Variants in CFAP54 observed in about 807,000 individuals in gnomAD.
The protein encoded by CFAP54 is cilia and flagella associated protein 54.
Under a neutral mutation model 370.4 loss-of-function variants are expected in CFAP54, and 290 were observed. The observed-to-expected ratio is 0.78, with a 90% CI of 0.71 to 0.86. CFAP54 has a LOEUF of 0.86. Among genes scored for constraint, CFAP54 ranks in the 40% least tolerant of loss-of-function variants. The pLI is 0.00. For synonymous variants in CFAP54, 1,206 were observed against 1,236.5 expected, an observed-to-expected ratio of 0.98 and a Z score of 0.52; for missense variants, 3,399 against 3,528.7, an observed-to-expected ratio of 0.96 and a Z score of 0.93.
intron 62 of CFAP54, among the ~76,000 whole-genome samples, chr12:96,787,238 T>C (rs1465380378): frequency 6.6e-6 from 1 of 152,244 alleles, no homozygotes; most frequent in Non-Finnish European, 1.5e-5. Context: ...ACTAGACTGA[T>C]AGTGTCTAAA....
At chr12:96,718,730 A>AT (rs1957714257) in intron 49 of CFAP54, among the ~76,000 whole-genome samples, 1 of 152,152 alleles carries the variant, frequency 6.6e-6, no homozygotes, top group Admixed American at 6.6e-5. Flanking sequence ...TCACAACCTG[A>AT]TTAAGGTGCT....
At chr12:96,561,773 CTTTTTTTT>C (rs376442763) in intron 17 of CFAP54, among the ~76,000 whole-genome samples, 1 of 94,852 alleles carries the variant, frequency 1.1e-5, no homozygotes, top group Non-Finnish European at 1.9e-5. Context: ...ATCACAAGTT[CTTTTTTTT>C]TTTTTTTTTT....
At chr12:96,843,532 C>T (rs1029975353) in intron 66 of CFAP54, among the ~76,000 whole-genome samples, 1 of 152,152 alleles carries the variant, frequency 6.6e-6, no homozygotes, top group Non-Finnish European at 1.5e-5. Flanking sequence ...GCTGTGCTAA[C>T]AAATAAGCAC....
chr12:96,856,482 A>G (rs1959707260), intron 66 of CFAP54, among the ~76,000 whole-genome samples: 1 of 152,120 alleles, frequency 6.6e-6, no homozygotes. Flanking sequence ...ATCTCTCTGA[A>G]GTTCAGAGTT....
Position 96,489,921 on chromosome 12 carries a change from G to T in CFAP54, c.312G>T (p.Arg104=). Residue 104 remains arginine (R), a synonymous_variant, in exon 1 of 68, where the codon CGG becomes CGT. Transcript: ENST00000524981. ...TTEEEKHEFR[R]RCATSLFNIW... ...AGGAAGAGAAGCACGAATTCCGCCG[G>T]CGTTGGTAAGCGCTGGCGGGGCACT... The T allele has an allele frequency of 6.5e-7, 1 of 1,531,352 alleles. No homozygotes were observed. Among genetic ancestry groups the T allele is most frequent in the Non-Finnish European group, 8.7e-7 (1 of 1,143,572 alleles). The allele number at this position is 1,531,352 out of a possible 1,614,324, so 94.9% of individuals were successfully genotyped here.
chr12:96,773,042 T>A (rs1269676558), intron 60 of CFAP54, among the ~76,000 whole-genome samples: 1 of 152,210 alleles, frequency 6.6e-6, no homozygotes, highest in Non-Finnish European at 1.5e-5. Flanking sequence ...CCACCAGAGA[T>A]GTTACATGCT....
At chr12:96,836,455 G>A (rs1959186479) in intron 66 of CFAP54, among the ~76,000 whole-genome samples, 2 of 152,264 alleles carry the variant, frequency 1.3e-5, no homozygotes, top group South Asian at 4.1e-4. Context: ...AATAGAACAT[G>A]TTATTTTATT....
chr12:96,564,800 A>G (rs773046455), intron 19 of CFAP54, 35 bp downstream of exon 19: 3 of 555,916 alleles, frequency 5.4e-6, no homozygotes, highest in South Asian at 5.2e-5. Context: ...TAATCCTGAC[A>G]TAAAATTTCT....
chr12:96,796,196 T>C (rs1400819205), intron 63 of CFAP54, among the ~76,000 whole-genome samples: 2 of 152,186 alleles, frequency 1.3e-5, no homozygotes, highest in Non-Finnish European at 2.9e-5. Flanking sequence ...TTCTCTCAGC[T>C]TTCCTGGTAT....
At chr12:96,717,866 C>T (rs1957703247) in intron 48 of CFAP54, among the ~76,000 whole-genome samples, 1 of 152,168 alleles carries the variant, frequency 6.6e-6, no homozygotes, top group South Asian at 2.1e-4. Context: ...AATAACATCA[C>T]TAAATACCTA....
intron 9 of CFAP54, among the ~76,000 whole-genome samples, chr12:96,531,461 A>G (rs1165622738): frequency 6.6e-6 from 1 of 151,166 alleles, no homozygotes; most frequent in Non-Finnish European, 1.5e-5. Flanking sequence ...TGTTACTTTT[A>G]AATTTCTTTC....
At chr12:96,701,252 A>G (rs1183962170) in intron 46 of CFAP54, among the ~76,000 whole-genome samples, 1 of 152,084 alleles carries the variant, frequency 6.6e-6, no homozygotes, top group Non-Finnish European at 1.5e-5. Context: ...GAGTCAGTTG[A>G]TTGACTGTTT....
intron 66 of CFAP54, among the ~76,000 whole-genome samples, chr12:96,844,810 C>T (rs1171643355): frequency 6.6e-6 from 1 of 152,174 alleles, no homozygotes; most frequent in Admixed American, 6.5e-5. Flanking sequence ...GTCTGTCAAC[C>T]ACTGGCAAGT....
intron 38 of CFAP54, among the ~76,000 whole-genome samples, chr12:96,662,702 C>T (rs1286800423): frequency 6.6e-6 from 1 of 151,998 alleles, no homozygotes; most frequent in Non-Finnish European, 1.5e-5. Flanking sequence ...CCTATTACTC[C>T]CAGGCAGGTT....
chr12:96,849,749 C>T (rs1177599061), intron 66 of CFAP54, among the ~76,000 whole-genome samples: 1 of 152,066 alleles, frequency 6.6e-6, no homozygotes, highest in East Asian at 1.9e-4. Flanking sequence ...CTGCAGTATG[C>T]CCCCACTTGA....
chr12:96,757,500 T>C lies in CFAP54; in HGVS notation c.7952T>C (p.Ile2651Thr), dbSNP rs751599250. Residue 2651 changes from isoleucine to threonine, a missense_variant, in exon 58 of 68, where the codon ATA becomes ACA. By Grantham distance (89) the Ile-to-Thr change is moderately conservative. Around this residue, in one of 3 missense-constraint regions of CFAP54, gnomAD observed 2,796 missense variants for 2,869.7 expected, o/e 0.97. Coordinates refer to ENST00000524981, the MANE Select transcript of CFAP54 (RefSeq NM_001306084.2). ...ACAGTGCTATATCATTTTAGATTGA[T>C]AAGAGACTCCTACCTAGAAATGGCT... is the stretch of plus-strand genomic sequence containing the variant. The part of the protein sequence containing the change: ...SLKNDQNSGL[I>T]RDSYLEMALL... 1.3e-6 allele frequency: 2 copies of C among 1,566,324 alleles called. No homozygotes were observed. Among genetic ancestry groups the C allele is most frequent in the Non-Finnish European group, 8.8e-7 (1 of 1,141,956 alleles).
rs552016503 is a variant in CFAP54, at chr12:96,489,655, A to C, written c.46A>C (p.Thr16Pro). 3.5e-5 allele frequency: 54 copies of C among 1,533,446 alleles called. No homozygotes were observed. Among genetic ancestry groups the C allele is most frequent in the East Asian group, 2.9e-4 (12 of 40,832 alleles). 95.0% of individuals were successfully genotyped at this position (1,533,446 alleles called of 1,614,324 possible). Residue 16 changes from threonine to proline, a missense_variant, in exon 1 of 68, where the codon ACC (threonine) becomes CCC (proline). By Grantham distance (38) the Thr-to-Pro change is conservative. Around this residue, in one of 3 missense-constraint regions of CFAP54, gnomAD observed 559 missense variants for 576.7 expected, o/e 0.97. Transcript: ENST00000524981. ...CTCGAGCTCTCCGTCAGACGACTCT[A>C]CCACCTCGGGGTCTCTGCCAGAACT... Reference protein sequence around the residue: ...SPSSSPSDDSTTSGSLPELPP... With the variant: ...SPSSSPSDDSPTSGSLPELPP...
intron 30 of CFAP54, among the ~76,000 whole-genome samples, chr12:96,628,073 G>C (rs970594457): frequency 6.6e-6 from 1 of 152,198 alleles, no homozygotes; most frequent in Non-Finnish European, 1.5e-5. Context: ...AGGAGCAATA[G>C]GCTGTACTAT....
At chr12:96,731,153 C>A (rs1327246639) in intron 50 of CFAP54, among the ~76,000 whole-genome samples, 1 of 152,114 alleles carries the variant, frequency 6.6e-6, no homozygotes, top group Admixed American at 6.5e-5. Context: ...AAGCAGCAGC[C>A]CCAAACTGTA....
Sources: allele counts gnomAD v4.1 joint callset (sites outside exome capture counted in the v4.1 genomes callset), GRCh38; gene constraint gnomAD v4.1.1; regional missense constraint gnomAD v4.1.1; transcripts MANE v1.5; gene names NCBI Gene and HGNC (gene_info 2026-07-23, HGNC 2026-07-21).